The following PDK1 variants were observed in gnomAD, a reference collection of about 807,000 sequenced individuals.
The protein encoded by PDK1 is [Pyruvate dehydrogenase (acetyl-transferring)] kinase isozyme 1, mitochondrial.
PDK1 carries 39 observed loss-of-function variants against 54.2 expected under a neutral mutation model. The ratio of observed to expected loss-of-function variants is 0.72; its 90% CI spans 0.56 to 0.94. The LOEUF (loss-of-function observed/expected upper bound fraction) is 0.94. PDK1 is among the 40% of genes least tolerant of loss of function. The pLI, the probability that PDK1 is intolerant of heterozygous loss-of-function variation, is 0.00. For missense variants in PDK1, 552 were observed against 566.0 expected (o/e 0.98, Z 0.25); for synonymous variants, 221 against 207.1 (o/e 1.07, Z -0.58).
chr2:172,611,733 G>A (rs1012234644), downstream of PDK1, among the ~76,000 whole-genome samples: 4 of 152,198 alleles, frequency 2.6e-5, no homozygotes, highest in African/African-American at 9.7e-5. Flanking sequence ...AAGTAAGGAT[G>A]GTTCAAGATT....
chr2:172,707,987 T>C, the PDK1 span, among the ~76,000 whole-genome samples: 1 of 152,108 alleles, frequency 6.6e-6, no homozygotes. Flanking sequence ...GAGTGGGGAA[T>C]ACATGGAGGA....
At chr2:172,590,172 A>G (rs1438677004) in intron 9 of PDK1, among the ~76,000 whole-genome samples, 6 of 152,232 alleles carry the variant, frequency 3.9e-5, no homozygotes, top group Admixed American at 6.5e-5. Flanking sequence ...AATTTATGAT[A>G]TTAAGTCATG....
chr2:172,621,817 TATG>T, the PDK1 span, among the ~76,000 whole-genome samples: 1 of 134,080 alleles, frequency 7.5e-6, no homozygotes, highest in Non-Finnish European at 1.5e-5. Flanking sequence ...ATCTCATATG[TATG>T]ATATATGTTT....
chr2:172,602,146 A>T lies in PDK1; in HGVS notation c.*6177A>T, dbSNP rs1691136918. 1 of 152,198 alleles carries T rather than the reference A, an allele frequency of 6.6e-6. No individual in the cohort carries two copies. Among genetic ancestry groups the T allele is most frequent in the Non-Finnish European group, 1.5e-5 (1 of 68,036 alleles). The allele number at this position is 152,198 out of a possible 1,614,324, so 9.4% of individuals were successfully genotyped here. On this transcript the variant is annotated 3_prime_UTR_variant, in exon 11 of 11. Transcript: ENST00000282077. ...GAGAAAGCTACCCAACCCATTTCAG[A>T]AAGTTAGTAAAATCTCAAAGCTACA...
In PDK1 at chr2:172,600,878, C is replaced by T. The variant is rs1176597117; in HGVS notation, c.*4909C>T. On this transcript the variant is annotated 3_prime_UTR_variant, in exon 11 of 11. Transcript: ENST00000282077. ...AGCTTATCTGGAAGGGAGAGTTTCT[C>T]TGTCTGTTCCCATACATCTTGCAGC... The T allele has an allele frequency of 6.6e-6, 1 of 152,210 alleles. No individual in the cohort carries two copies. Among genetic ancestry groups the T allele is most frequent in the Non-Finnish European group, 1.5e-5 (1 of 68,068 alleles). 9.4% of individuals were successfully genotyped at this position (152,210 alleles called of 1,614,324 possible).
the PDK1 span, among the ~76,000 whole-genome samples, chr2:172,618,440 T>G: frequency 6.6e-6 from 1 of 152,322 alleles, no homozygotes; most frequent in East Asian, 1.9e-4. Flanking sequence ...GATTAAAACA[T>G]TCCATTCCTA....
At chr2:172,660,245 C>CTTTTTTTT in the PDK1 span, among the ~76,000 whole-genome samples, 1,085 of 55,524 alleles carry the variant, frequency 0.02, 258 homozygotes, top group Non-Finnish European at 0.026. Context: ...CTCTCTCTCT[C>CTTTTTTTT]TCTTTTTTTT....
chr2:172,612,464 TAGA>T (rs562500527), downstream of PDK1, among the ~76,000 whole-genome samples: 339 of 152,282 alleles, frequency 2.2e-3, 2 homozygotes, highest in African/African-American at 7.6e-3. Flanking sequence ...TTACATTGAT[TAGA>T]AGGTTTGTTT....
the PDK1 span, among the ~76,000 whole-genome samples, chr2:172,713,340 C>T: frequency 6.6e-6 from 1 of 152,196 alleles, no homozygotes; most frequent in East Asian, 1.9e-4. Context: ...CAGCCTGGTC[C>T]CCAGGCTTCA....
At chr2:172,613,416 A>G (rs534250776), downstream of PDK1, among the ~76,000 whole-genome samples, 1 of 152,212 alleles carries the variant, frequency 6.6e-6, no homozygotes, top group African/African-American at 2.4e-5. Flanking sequence ...GGAGAAGACA[A>G]ATAGTAAAAT....
In PDK1 at chr2:172,598,890, C is replaced by T. The variant is rs979568938; in HGVS notation, c.*2921C>T. On this transcript the variant is annotated 3_prime_UTR_variant, in exon 11 of 11. Transcript: ENST00000282077. Reference sequence around the variant, plus strand: ...CCATCAAGGCTCAACATTTTGTAAGCATCCAAAAAATTGGTAATTAGGGGG... The same window carrying T: ...CCATCAAGGCTCAACATTTTGTAAGTATCCAAAAAATTGGTAATTAGGGGG... 4 of 152,242 alleles carry T rather than the reference C, an allele frequency of 2.6e-5. No individual in the cohort carries two copies. Among genetic ancestry groups the T allele is most frequent in the African/African-American group, 9.6e-5 (4 of 41,554 alleles). 9.4% of individuals were successfully genotyped at this position (152,242 alleles called of 1,614,324 possible).
chr2:172,611,568 T>C (rs191015909), downstream of PDK1, among the ~76,000 whole-genome samples: 10 of 152,260 alleles, frequency 6.6e-5, no homozygotes, highest in Admixed American at 1.3e-4. Flanking sequence ...ATAAGACTAG[T>C]TTTACCGTGA....
the PDK1 span, among the ~76,000 whole-genome samples, chr2:172,628,814 C>A: frequency 6.6e-6 from 1 of 152,092 alleles, no homozygotes; most frequent in African/African-American, 2.4e-5. Flanking sequence ...TACATTGCCT[C>A]TAAATCTCTA....
intron 5 of PDK1, among the ~76,000 whole-genome samples, 187 bp downstream of exon 5, chr2:172,565,260 T>C (rs1450182287): frequency 1.3e-5 from 2 of 152,162 alleles, no homozygotes. Flanking sequence ...ATAGAATTAT[T>C]TGTTAGGCAA....
At chr2:172,660,245 CTCT>C in the PDK1 span, among the ~76,000 whole-genome samples, 704 of 55,646 alleles carry the variant, frequency 0.013, 2 homozygotes, top group African/African-American at 0.034. Context: ...CTCTCTCTCT[CTCT>C]TTTTTTTTTT....
At chr2:172,694,416 A>G in the PDK1 span, among the ~76,000 whole-genome samples, 1 of 152,260 alleles carries the variant, frequency 6.6e-6, no homozygotes, top group Non-Finnish European at 1.5e-5. Context: ...AATAGCATTC[A>G]ACATCGTTTC....
chr2:172,593,066 C>A lies in PDK1; in HGVS notation c.1170+18C>A. On this transcript the variant is annotated intron_variant, in intron 10 of 10. Transcript: ENST00000282077. ...ACATTAAGGTAATAGCTGTAGTCTTCTTGATTTAATATTTCTTTTGATGAT... is the reference window on the plus strand; with the variant it reads ...ACATTAAGGTAATAGCTGTAGTCTTATTGATTTAATATTTCTTTTGATGAT... 1 of 1,229,098 alleles carries A rather than the reference C, an allele frequency of 8.1e-7. No individual in the cohort carries two copies. Among genetic ancestry groups the A allele is most frequent in the South Asian group, 1.2e-5 (1 of 80,990 alleles). 76.1% of individuals were successfully genotyped at this position (1,229,098 alleles called of 1,614,324 possible).
chr2:172,692,432 A>G, the PDK1 span, among the ~76,000 whole-genome samples: 2 of 152,168 alleles, frequency 1.3e-5, no homozygotes, highest in African/African-American at 4.8e-5. Context: ...AAGCCACTAA[A>G]TATGTCTGCA....
At chr2:172,682,441 A>G in the PDK1 span, among the ~76,000 whole-genome samples, 14 of 152,358 alleles carry the variant, frequency 9.2e-5, no homozygotes, top group African/African-American at 3.4e-4. Context: ...AGAATGATCC[A>G]TAGGGAGTGT....
Sources: allele counts gnomAD v4.1 joint callset (sites outside exome capture counted in the v4.1 genomes callset), GRCh38; gene constraint gnomAD v4.1.1; transcripts MANE v1.5; gene names NCBI Gene and HGNC (gene_info 2026-07-23, HGNC 2026-07-21).